The following PTPRE variants were observed in gnomAD, a reference collection of about 807,000 sequenced individuals.
The protein encoded by PTPRE is protein tyrosine phosphatase receptor type E.
In PTPRE, 51 loss-of-function variants were observed where a neutral mutation model predicts 102.0. That is an observed-to-expected ratio of 0.50 (90% CI 0.40 to 0.63). The LOEUF is 0.63. Ranked by LOEUF, PTPRE falls within the 30% of genes least tolerant of loss-of-function variation. The pLI is 0.00. For missense variants in PTPRE, 752 were observed against 915.1 expected (o/e 0.82, Z 2.30); for synonymous variants, 345 against 348.2 (o/e 0.99, Z 0.10).
chr10:127,977,529 A>G (rs1378371760), intron 1 of PTPRE, among the ~76,000 whole-genome samples: 1 of 152,234 alleles, frequency 6.6e-6, no homozygotes, highest in Non-Finnish European at 1.5e-5. Context: ...CCTTAAGCCA[A>G]GGTTGTGTGT....
intron 1 of PTPRE, among the ~76,000 whole-genome samples, chr10:127,943,466 G>C (rs1004835407): frequency 6.6e-6 from 1 of 152,118 alleles, no homozygotes; most frequent in African/African-American, 2.4e-5. Flanking sequence ...GAACTTTCCC[G>C]TCGTCTTCTC....
At chr10:128,019,977 C>T (rs1253465540) in intron 2 of PTPRE, among the ~76,000 whole-genome samples, 3 of 151,998 alleles carry the variant, frequency 2.0e-5, no homozygotes, top group African/African-American at 4.8e-5. Context: ...GGTTGGTCGA[C>T]ATGTGTTCCT....
chr10:127,996,582 C>T (rs767955012), intron 2 of PTPRE, among the ~76,000 whole-genome samples: 30 of 152,360 alleles, frequency 2.0e-4, no homozygotes, highest in South Asian at 1.5e-3. Context: ...GGAACCCATG[C>T]CAGCCCCTTC....
intron 2 of PTPRE, among the ~76,000 whole-genome samples, chr10:128,007,054 G>A (rs1564875414): frequency 1.3e-5 from 2 of 152,068 alleles, no homozygotes; most frequent in African/African-American, 4.8e-5. Context: ...CCCATTACCT[G>A]ATTTTCTAGA....
intron 2 of PTPRE, among the ~76,000 whole-genome samples, chr10:128,005,350 G>T (rs765524922): frequency 6.6e-6 from 1 of 152,160 alleles, no homozygotes; most frequent in Non-Finnish European, 1.5e-5. Flanking sequence ...GAAAGGCTCA[G>T]CTTGGTGCTG....
intron 6 of PTPRE, among the ~76,000 whole-genome samples, chr10:128,050,766 T>G (rs1277308337): frequency 1.3e-5 from 2 of 152,196 alleles, no homozygotes; most frequent in African/African-American, 4.8e-5. Context: ...CCTGTCTTAA[T>G]TACCTTGAAG....
At chr10:127,930,780 T>A (rs1057089728) in intron 1 of PTPRE, among the ~76,000 whole-genome samples, 2 of 151,896 alleles carry the variant, frequency 1.3e-5, no homozygotes, top group African/African-American at 4.8e-5. Flanking sequence ...GTTATTTATT[T>A]TTTATTTATT....
chr10:128,001,751 G>C (rs1396163094), intron 2 of PTPRE, among the ~76,000 whole-genome samples: 1 of 152,210 alleles, frequency 6.6e-6, no homozygotes, highest in East Asian at 1.9e-4. Context: ...GTATGGGAAG[G>C]TTCTTAGTAT....
chr10:128,003,360 T>A (rs1425748338), intron 2 of PTPRE, among the ~76,000 whole-genome samples: 1 of 152,190 alleles, frequency 6.6e-6, no homozygotes, highest in East Asian at 1.9e-4. Flanking sequence ...TTAAGTCAGC[T>A]GTACTTTGGG....
intron 1 of PTPRE, among the ~76,000 whole-genome samples, chr10:127,924,936 C>T (rs755702027): frequency 1.7e-4 from 26 of 152,292 alleles, no homozygotes; most frequent in Middle Eastern, 6.8e-3. Flanking sequence ...GTGGAGCTCC[C>T]TGGGATACTT....
intron 1 of PTPRE, among the ~76,000 whole-genome samples, chr10:127,936,986 T>C (rs1433890326): frequency 6.6e-6 from 1 of 152,192 alleles, no homozygotes; most frequent in South Asian, 2.1e-4. Context: ...GGAATCGATA[T>C]GGATGTTGAG....
intron 1 of PTPRE, among the ~76,000 whole-genome samples, chr10:127,912,112 T>G (rs182522797): frequency 6.6e-6 from 1 of 152,166 alleles, no homozygotes; most frequent in African/African-American, 2.4e-5. Flanking sequence ...GTTTTCCCAG[T>G]CATACCCATC....
At chr10:128,072,358 T>TAAAA in intron 16 of PTPRE, 144 bp downstream of exon 16, 1 of 671,586 alleles carries the variant, frequency 1.5e-6, no homozygotes. Context: ...ATTACTTGCT[T>TAAAA]AAAAAAAAAA....
intron 1 of PTPRE, among the ~76,000 whole-genome samples, chr10:127,971,571 TC>T (rs1197971013): frequency 1.3e-5 from 2 of 152,170 alleles, no homozygotes; most frequent in Non-Finnish European, 2.9e-5. Flanking sequence ...GCATTCCACT[TC>T]CTTTAGAGAA....
At chr10:127,916,501 C>T (rs953728555) in intron 1 of PTPRE, among the ~76,000 whole-genome samples, 2 of 152,198 alleles carry the variant, frequency 1.3e-5, no homozygotes, top group African/African-American at 4.8e-5. Flanking sequence ...ATTACCCAGT[C>T]TTAGGCAGTT....
intron 2 of PTPRE, among the ~76,000 whole-genome samples, chr10:128,012,765 C>A (rs1845124435): frequency 6.6e-6 from 1 of 152,128 alleles, no homozygotes; most frequent in Admixed American, 6.5e-5. Context: ...CCAGCCACTC[C>A]CCACAACCCT....
intron 2 of PTPRE, among the ~76,000 whole-genome samples, chr10:127,997,596 T>C (rs1032377832): frequency 2.0e-5 from 3 of 152,220 alleles, no homozygotes; most frequent in African/African-American, 7.2e-5. Context: ...TATAAGTACA[T>C]GTACATGTAT....
intron 1 of PTPRE, among the ~76,000 whole-genome samples, chr10:127,917,093 G>A (rs1846261246): frequency 6.6e-6 from 1 of 151,896 alleles, no homozygotes; most frequent in South Asian, 2.1e-4. Context: ...GGATTTATAG[G>A]CAACATGACC....
intron 1 of PTPRE, among the ~76,000 whole-genome samples, chr10:127,908,452 G>C (rs902949848): frequency 6.6e-6 from 1 of 151,950 alleles, no homozygotes; most frequent in Non-Finnish European, 1.5e-5. Context: ...GGGGAGGGGG[G>C]GTGTGGAGGG....
Sources: gnomAD v4.1 joint callset for allele counts (sites outside exome capture counted in the v4.1 genomes callset) on GRCh38, gnomAD v4.1.1 for gene constraint, MANE v1.5 for transcripts, NCBI Gene and HGNC (gene_info 2026-07-23, HGNC 2026-07-21) for gene names.